Variants in NAPA observed in about 807,000 individuals in gnomAD.
NAPA encodes the protein NSF attachment protein alpha, also known as alpha-soluble NSF attachment protein.
NAPA carries 18 observed loss-of-function variants against 48.0 expected under a neutral mutation model. The ratio of observed to expected loss-of-function variants is 0.38; its 90% confidence interval spans 0.26 to 0.56. The LOEUF is 0.56. Ranked by LOEUF, NAPA falls within the 20% of genes least tolerant of loss-of-function variation. NAPA has a pLI of 0.77. For missense variants in NAPA, 315 were observed against 385.0 expected (o/e 0.82, Z 1.52); for synonymous variants, 152 against 149.9 (o/e 1.01, Z -0.10).
intron 2 of NAPA, among the ~76,000 whole-genome samples, chr19:47,502,339 G>T (rs1968598171): frequency 6.6e-6 from 1 of 151,478 alleles, no homozygotes; most frequent in Non-Finnish European, 1.5e-5. Context: ...GGGGGCAGAG[G>T]TAACAAATTT....
chr19:47,510,543 T>C (rs1409206352), intron 1 of NAPA, among the ~76,000 whole-genome samples: 1 of 152,196 alleles, frequency 6.6e-6, no homozygotes, highest in Non-Finnish European at 1.5e-5. Flanking sequence ...ACAGTTACCA[T>C]GATTTTCATT....
At position 47,514,936 on chromosome 19, in the gene NAPA, T is replaced by G. The variant is rs776268001; in HGVS notation, c.5A>C (p.Asp2Ala). 11 of 1,613,658 alleles carry G rather than the reference T, an allele frequency of 6.8e-6. No individual in the cohort carries two copies. The Admixed American group carries it at 1.8e-4, about 27-fold the overall frequency. ...CGCCTCCGCTTCCTTCCCGGAATTG[T>G]CCATGGCGGCCACAAAGGGACTCAG... M[D>A]NSGKEAEAMA... The change falls in exon 1 of 11, where the codon GAC becomes GCC. Residue 2 changes from aspartate (D) to alanine (A), a missense_variant. Asp to Ala is a moderately radical substitution (Grantham distance 126). Transcript: ENST00000263354.
intron 1 of NAPA, among the ~76,000 whole-genome samples, chr19:47,508,183 C>G (rs368035185): frequency 1.3e-5 from 2 of 152,240 alleles, no homozygotes; most frequent in African/African-American, 4.8e-5. Context: ...AACAAGCCAA[C>G]AGGCAGAAGG....
At chr19:47,509,893 T>C (rs1243958229) in intron 1 of NAPA, among the ~76,000 whole-genome samples, 1 of 152,240 alleles carries the variant, frequency 6.6e-6, no homozygotes, top group Non-Finnish European at 1.5e-5. Context: ...CAAGGGCGAA[T>C]GTACTTCCTT....
At chr19:47,504,169 G>A (rs576890297) in intron 1 of NAPA, among the ~76,000 whole-genome samples, 29 of 152,134 alleles carry the variant, frequency 1.9e-4, no homozygotes, top group African/African-American at 6.3e-4. Flanking sequence ...CAAGGTTGGC[G>A]GATTGCTTGA....
chr19:47,496,418 G>A (rs1270740846), intron 3 of NAPA: 1 of 152,682 alleles, frequency 6.5e-6, no homozygotes, highest in Non-Finnish European at 1.5e-5. Context: ...AGAGAGAAAA[G>A]CATGAGTGGG....
chr19:47,484,943 G>A (rs1315541176), downstream of NAPA, among the ~76,000 whole-genome samples: 4 of 152,018 alleles, frequency 2.6e-5, no homozygotes, highest in Non-Finnish European at 5.9e-5. Context: ...CAGGTGATCC[G>A]CCCACCTCGG....
chr19:47,512,446 G>A (rs891155085), intron 1 of NAPA, among the ~76,000 whole-genome samples: 14 of 152,118 alleles, frequency 9.2e-5, no homozygotes, highest in African/African-American at 2.4e-4. Context: ...CTTTATTGGT[G>A]TTTGCTGTTC....
chr19:47,507,272 C>T (rs1450299393), intron 1 of NAPA, among the ~76,000 whole-genome samples: 4 of 152,216 alleles, frequency 2.6e-5, no homozygotes, highest in African/African-American at 4.8e-5. Context: ...AGTCTCAGGT[C>T]TCCCAAACAC....
chr19:47,491,382 T>G (rs912744087), intron 8 of NAPA: 8 of 157,608 alleles, frequency 5.1e-5, no homozygotes, highest in East Asian at 1.9e-4. Flanking sequence ...TGTGTGTGTG[T>G]GGGGTGTGTG....
Position 47,503,483 on chromosome 19 carries a change from C to A in NAPA, c.118G>T (p.Glu40Ter), listed in dbSNP as rs1277145889. The change falls in exon 2 of 11, where the codon GAA becomes TAA. Residue 40 changes from glutamate to a stop codon, truncating the protein, a stop_gained. Coordinates refer to ENST00000263354, the MANE Select transcript of NAPA (RefSeq NM_003827.4). LOFTEE classifies it high-confidence loss of function. The part of the protein sequence containing the change: ...GLFGGSSKIE[E>*]ACEIYARAAN... ...GCTCTGGCGTAGATTTCGCATGCTT[C>A]CTCTATTTTGGATGAGCCTCTGGGG... The A allele has an allele frequency of 6.2e-7, 1 of 1,614,224 alleles. No individual in the cohort carries two copies. Among genetic ancestry groups the A allele is most frequent in the Non-Finnish European group, 8.5e-7 (1 of 1,180,028 alleles).
chr19:47,512,412 C>CTTACAGTAGGACATT (rs1968822398), intron 1 of NAPA, among the ~76,000 whole-genome samples: 1 of 152,134 alleles, frequency 6.6e-6, no homozygotes, highest in African/African-American at 2.4e-5. Flanking sequence ...ATCATCGAGC[C>CTTACAGTAGGACATT]CCTCCTTACA....
chr19:47,508,503 G>A lies in NAPA; in HGVS notation c.99-5001C>T, dbSNP rs906347449. 2.0e-5 allele frequency among the ~76,000 whole-genome samples: 3 copies of A among 152,218 alleles called. No homozygotes were observed. In the South Asian group the frequency reaches 6.2e-4, roughly 32 times the overall value. On this transcript the variant is annotated intron_variant, in intron 1 of 10. Transcript: ENST00000263354. ...AACGGTGAAAGAATAAAGTGTCACA[G>A]GCTAACTGCCCAGCTCTGAAATCGC...
rs1968329388 is a variant in NAPA at position 47,493,266 on chromosome 19, G to T, written c.421-92C>A. The T allele has an allele frequency of 2.2e-5, 33 of 1,494,360 alleles. No homozygotes were observed. Among genetic ancestry groups the T allele is most frequent in the Non-Finnish European group, 2.8e-5 (31 of 1,091,728 alleles). 92.6% of individuals were successfully genotyped at this position (1,494,360 alleles called of 1,614,324 possible). A position where few individuals can be genotyped will look rare whatever the true frequency, so the allele number is the denominator to read the frequency against. ...TCCACACCCTCCGCCCTGCCTGCCTGGGACACAGCCAGACCCCATTCTCCA... is the reference window on the plus strand; with the variant it reads ...TCCACACCCTCCGCCCTGCCTGCCTTGGACACAGCCAGACCCCATTCTCCA... On this transcript the variant is annotated intron_variant, in intron 5 of 10. Coordinates refer to ENST00000263354, the MANE Select transcript of NAPA (RefSeq NM_003827.4). The surrounding 1 kb of genome is among the most constrained non-coding windows in gnomAD (Gnocchi z 6.4).
chr19:47,493,166 G>T lies in NAPA; in HGVS notation c.429C>A (p.Ala143=). 1.9e-6 allele frequency: 3 copies of T among 1,596,058 alleles called. No homozygotes were observed. The highest frequency in any genetic ancestry group is 2.6e-6 in the Non-Finnish European group (3 of 1,169,248). Residue 143 remains alanine, a synonymous_variant, in exon 6 of 11, where the codon GCC becomes GCA. Transcript: ENST00000263354. This position sits in a 1 kb window ranked among gnomAD's most constrained non-coding sequence, Gnocchi z 6.4. ...AGTAGTCTGCAGACTGCTCGTAGTG[G>T]GCAATGGCCTGGGGAGACACGGGGG... is the stretch of plus-strand genomic sequence containing the variant. The part of the protein sequence containing the change: ...TELVDIEKAI[A]HYEQSADYYK...
At chr19:47,508,669 CT>C (rs796964377) in intron 1 of NAPA, among the ~76,000 whole-genome samples, 106 of 145,710 alleles carry the variant, frequency 7.3e-4, no homozygotes, top group Non-Finnish European at 6.2e-4. Context: ...ATCCCTGAGG[CT>C]TTTTTTTTTT....
intron 10 of NAPA, 34 bp from the exon 11 acceptor site, chr19:47,488,423 TC>T (rs1231361564): frequency 1.4e-5 from 22 of 1,549,662 alleles, no homozygotes; most frequent in Non-Finnish European, 2.0e-5. Flanking sequence ...CTGGCCATGC[TC>T]CCCCCGTTCC....
At position 47,500,583 on chromosome 19, in the gene NAPA, T is replaced by C. The variant is rs756722540; in HGVS notation, c.295+50A>G. The C allele has an allele frequency of 4.7e-6, 7 of 1,489,598 alleles. No homozygotes were observed. The South Asian group carries it at 6.2e-5, about 13-fold the overall frequency. The allele number at this position is 1,489,598 out of a possible 1,614,324, so 92.3% of individuals were successfully genotyped here. A position where few individuals can be genotyped will look rare whatever the true frequency, so the allele number is the denominator to read the frequency against. ...AACCTGAGGAATCAATGCAGGGTGC[T>C]AGGATGGCGCTCCGGACAGCCAGCC... On this transcript the variant is annotated intron_variant, in intron 3 of 10. Transcript: ENST00000263354.
chr19:47,509,349 T>TAAAATAAAATAAATA lies in NAPA; in HGVS notation c.98+5493_98+5494insTATTTATTTTATTTT, dbSNP rs869068004. On this transcript the variant is annotated intron_variant, in intron 1 of 10. Coordinates refer to ENST00000263354, the MANE Select transcript of NAPA (RefSeq NM_003827.4). ...TAAAATAAAATAAAATAAAATAAAATAAATAAAATAAAATAAAATAAAATA... is the reference window on the plus strand; with the variant it reads ...TAAAATAAAATAAAATAAAATAAAATAAAATAAAATAAATAAAATAAAATAAAATAAAATAAAATA... Among the ~76,000 whole-genome samples, 355 of 91,984 alleles carry TAAAATAAAATAAATA rather than the reference T, an allele frequency of 3.9e-3. 2 individuals are homozygous for TAAAATAAAATAAATA. The highest frequency in any genetic ancestry group is 0.015 in the African/African-American group (336 of 22,600). The allele number at this position is 91,984 out of a possible 152,430, so 60.3% of individuals were successfully genotyped here. A position where few individuals can be genotyped will look rare whatever the true frequency, so the allele number is the denominator to read the frequency against.
Sources: allele counts gnomAD v4.1 joint callset (sites outside exome capture counted in the v4.1 genomes callset), GRCh38; gene constraint gnomAD v4.1.1; non-coding constraint Gnocchi (gnomAD v3.1); transcripts MANE v1.5; gene names NCBI Gene and HGNC (gene_info 2026-07-23, HGNC 2026-07-21).